The following FAM227A variants were observed in gnomAD, a reference collection of about 807,000 sequenced individuals.
The protein encoded by FAM227A is family with sequence similarity 227 member A, also known as protein FAM227A.
FAM227A carries 80 observed loss-of-function variants against 74.7 expected under a neutral mutation model. The ratio of observed to expected loss-of-function variants is 1.07; its 90% CI spans 0.89 to 1.29. The LOEUF is 1.29. Ranked by LOEUF, FAM227A falls within the 50% of genes most tolerant of loss-of-function variation. The probability of loss-of-function intolerance (pLI) is 0.00; values close to 1 mark genes in which losing one functional copy is unlikely to be tolerated. For synonymous variants in FAM227A, 237 were observed against 241.8 expected, an observed-to-expected ratio of 0.98 and a Z score of 0.19; for missense variants, 654 against 683.4, an observed-to-expected ratio of 0.96 and a Z score of 0.48.
At position 38,582,631 on chromosome 22, in the gene FAM227A, T is replaced by C. The variant is rs1425675706; in HGVS notation, c.*3494A>G. The C allele has an allele frequency of 2.7e-6, 2 of 730,962 alleles. No homozygotes were observed. Among genetic ancestry groups the C allele is most frequent in the Admixed American group, 2.9e-5 (1 of 34,756 alleles). 45.3% of individuals were successfully genotyped at this position (730,962 alleles called of 1,614,324 possible). ...ACAACTCTGAGTCCTCAGTCATTTCTGGAAAGGGTCCATGCAGGGATGATC... is the reference window on the plus strand; with the variant it reads ...ACAACTCTGAGTCCTCAGTCATTTCCGGAAAGGGTCCATGCAGGGATGATC... On this transcript the variant is annotated 3_prime_UTR_variant, in exon 17 of 17. Transcript: ENST00000535113.
At chr22:38,654,961 T>C (rs926228828) in intron 1 of FAM227A, among the ~76,000 whole-genome samples, 1 of 120,302 alleles carries the variant, frequency 8.3e-6, no homozygotes, top group Non-Finnish European at 1.7e-5. Context: ...AATAAATAAA[T>C]AAATAAATAA....
chr22:38,582,504 G>T lies in FAM227A; in HGVS notation c.*3621C>A. 1 of 1,319,690 alleles carries T rather than the reference G, an allele frequency of 7.6e-7. No individual in the cohort carries two copies. The highest frequency in any genetic ancestry group is 1.0e-6 in the Non-Finnish European group (1 of 955,148). The allele number at this position is 1,319,690 out of a possible 1,614,324, so 81.7% of individuals were successfully genotyped here. On this transcript the variant is annotated 3_prime_UTR_variant, in exon 17 of 17. Coordinates refer to ENST00000535113, the MANE Select transcript of FAM227A (RefSeq NM_001013647.2). Reference sequence around the variant, plus strand: ...TTAGTTCCCTTTGATGCTCTACCCCGCTTCCCTTATAAAGGGCAAATAATT... The same window carrying T: ...TTAGTTCCCTTTGATGCTCTACCCCTCTTCCCTTATAAAGGGCAAATAATT...
In FAM227A at chr22:38,580,724, C is replaced by T. The variant is rs1228361176; in HGVS notation, c.*5401G>A. 1.3e-5 allele frequency: 2 copies of T among 152,176 alleles called. No homozygotes were observed. Among genetic ancestry groups the T allele is most frequent in the Non-Finnish European group, 2.9e-5 (2 of 68,036 alleles). 9.4% of individuals were successfully genotyped at this position (152,176 alleles called of 1,614,324 possible). ...TGATAAATGCTTATTCATTTACTTA[C>T]CAATTTTCAAAATAATGAGGAAGTT... is the stretch of plus-strand genomic sequence containing the variant. On this transcript the variant is annotated 3_prime_UTR_variant, in exon 17 of 17. Coordinates refer to ENST00000535113, the MANE Select transcript of FAM227A (RefSeq NM_001013647.2).
At chr22:38,587,337 T>C (rs1409679231) in intron 16 of FAM227A, among the ~76,000 whole-genome samples, 1 of 152,028 alleles carries the variant, frequency 6.6e-6, no homozygotes, top group Non-Finnish European at 1.5e-5. Context: ...AAAATGTTAG[T>C]TATCAACAAA....
chr22:38,628,313 A>C lies in FAM227A; in HGVS notation c.651T>G (p.Phe217Leu). The C allele has an allele frequency of 6.4e-7, 1 of 1,551,558 alleles. No homozygotes were observed. Among genetic ancestry groups the C allele is most frequent in the Non-Finnish European group, 8.7e-7 (1 of 1,146,848 alleles). The part of the protein sequence containing the change: ...QPNKELQNNL[F>L]DRIAQHYALL... ...AGGCATAGTGCTGGGCTATCCGGTC[A>C]AACAGATTATTCTGGAGCTCCTTGT... is the stretch of plus-strand genomic sequence containing the variant. The change falls in exon 8 of 17, where the codon TTT (phenylalanine) becomes TTG (leucine). Residue 217 changes from phenylalanine (F) to leucine (L), a missense_variant. Physicochemically the swap from Phe to Leu is conservative, Grantham distance 22. Coordinates refer to ENST00000535113, the MANE Select transcript of FAM227A (RefSeq NM_001013647.2).
intron 11 of FAM227A, among the ~76,000 whole-genome samples, chr22:38,610,192 A>AT (rs113735937): frequency 3.3e-4 from 49 of 149,184 alleles, no homozygotes; most frequent in African/African-American, 8.6e-4. Context: ...TTAAAAAAAA[A>AT]TTTTTTTTTT....
chr22:38,636,069 AAAAAAG>A (rs2091999624), intron 6 of FAM227A, among the ~76,000 whole-genome samples: 6 of 150,872 alleles, frequency 4.0e-5, no homozygotes, highest in African/African-American at 1.5e-4. Context: ...AGAAAGAAAG[AAAAAAG>A]AAAGGAAGGA....
rs1235613705 is a variant in FAM227A, at chr22:38,583,490, T to TA, written c.*2634dup. 1 of 154,952 alleles carries TA rather than the reference T, an allele frequency of 6.5e-6. No individual in the cohort carries two copies. Among genetic ancestry groups the TA allele is most frequent in the Non-Finnish European group, 1.4e-5 (1 of 69,838 alleles). The allele number at this position is 154,952 out of a possible 1,614,324, so 9.6% of individuals were successfully genotyped here. ...GCACCCGGCCAAGAAGAGTACACTTTATAACAGCAATAACAACAATAACAG... is the reference window on the plus strand; with the variant it reads ...GCACCCGGCCAAGAAGAGTACACTTTAATAACAGCAATAACAACAATAACAG... On this transcript the variant is annotated 3_prime_UTR_variant, in exon 17 of 17. Coordinates refer to ENST00000535113, the MANE Select transcript of FAM227A (RefSeq NM_001013647.2).
chr22:38,619,851 G>A (rs1249659777), intron 11 of FAM227A, among the ~76,000 whole-genome samples: 3 of 152,110 alleles, frequency 2.0e-5, no homozygotes, highest in Non-Finnish European at 4.4e-5. Context: ...CATCAATAGG[G>A]CAGAGGAGAA....
chr22:38,621,193 A>G (rs916979761), intron 10 of FAM227A, among the ~76,000 whole-genome samples: 2 of 151,948 alleles, frequency 1.3e-5, no homozygotes, highest in African/African-American at 4.8e-5. Flanking sequence ...TGTACTAAAA[A>G]TACAAAAATT....
chr22:38,636,247 T>C (rs9610989), intron 6 of FAM227A, among the ~76,000 whole-genome samples: 2,932 of 152,304 alleles, frequency 0.019, 43 homozygotes, highest in Non-Finnish European at 0.028. Context: ...GGATATGTGA[T>C]CAAAACAGTC....
At chr22:38,654,750 G>A (rs2092366976) in intron 1 of FAM227A, among the ~76,000 whole-genome samples, 1 of 123,114 alleles carries the variant, frequency 8.1e-6, no homozygotes, top group Non-Finnish European at 1.6e-5. Flanking sequence ...CTAACATGGT[G>A]AAACCCCATC....
rs540565036 is a variant in FAM227A at position 38,597,263 on chromosome 22, A to T, written c.1473T>A (p.His491Gln). ...TGTCAAAATAATTCCATTCAGTCCA[A>T]TGATGCTGGTACAACTGATTGAGGT... ...KDNLNQLYQH[H>Q]WTEWNYFDKH... Residue 491 changes from histidine to glutamine, a missense_variant, in exon 15 of 17, where the codon CAT becomes CAA. By Grantham distance (24) the His-to-Gln change is conservative. Coordinates refer to ENST00000535113, the MANE Select transcript of FAM227A (RefSeq NM_001013647.2). 3.2e-6 allele frequency: 5 copies of T among 1,552,158 alleles called. No homozygotes were observed. Among genetic ancestry groups the T allele is most frequent in the African/African-American group, 1.4e-5 (1 of 73,156 alleles).
chr22:38,617,777 T>C (rs1385905218), intron 11 of FAM227A, among the ~76,000 whole-genome samples: 1 of 152,052 alleles, frequency 6.6e-6, no homozygotes, highest in East Asian at 1.9e-4. Flanking sequence ...AGTAGGAGGA[T>C]TGCTTGAGCT....
chr22:38,584,425 CAATA>C lies in FAM227A; in HGVS notation c.*1696_*1699del, dbSNP rs1265714358. 1 of 152,110 alleles carries C rather than the reference CAATA, an allele frequency of 6.6e-6. No homozygotes were observed. The highest frequency in any genetic ancestry group is 1.5e-5 in the Non-Finnish European group (1 of 68,038). The allele number at this position is 152,110 out of a possible 1,614,324, so 9.4% of individuals were successfully genotyped here. A position where few individuals can be genotyped will look rare whatever the true frequency, so the allele number is the denominator to read the frequency against. On this transcript the variant is annotated 3_prime_UTR_variant, in exon 17 of 17. Transcript: ENST00000535113. ...GAGCACTCAGCACATACTAAGTACT[CAATA>C]AATGACATCACCTATGATTACTATT...
intron 2 of FAM227A, among the ~76,000 whole-genome samples, chr22:38,647,021 G>A (rs1355838451): frequency 6.6e-6 from 1 of 151,670 alleles, no homozygotes. Flanking sequence ...GTGGTGGCGG[G>A]TGCCTGTAAT....
intron 11 of FAM227A, among the ~76,000 whole-genome samples, chr22:38,615,314 G>A (rs559284082): frequency 1.2e-4 from 18 of 152,260 alleles, no homozygotes; most frequent in Non-Finnish European, 1.9e-4. Flanking sequence ...TTGAGCCATC[G>A]CGCCCGGACA....
chr22:38,586,315 T>C, intron 16 of FAM227A, 116 bp from the exon 17 acceptor site: 2 of 1,190,246 alleles, frequency 1.7e-6, no homozygotes, highest in East Asian at 2.6e-5. Flanking sequence ...GCATGGAATA[T>C]TGAGGGCGTG....
intron 2 of FAM227A, among the ~76,000 whole-genome samples, chr22:38,646,242 G>GTTTTTTT (rs1569240853): frequency 4.0e-5 from 5 of 125,142 alleles, no homozygotes; most frequent in African/African-American, 1.6e-4. Flanking sequence ...TTTCCTTCCA[G>GTTTTTTT]TATTTCTTTT....
Sources: allele counts gnomAD v4.1 joint callset (sites outside exome capture counted in the v4.1 genomes callset), GRCh38; gene constraint gnomAD v4.1.1; transcripts MANE v1.5; gene names NCBI Gene and HGNC (gene_info 2026-07-23, HGNC 2026-07-21).